Variants in PALS1 observed in about 807,000 individuals in gnomAD.
PALS1 encodes protein PALS1.
In PALS1, 31 loss-of-function variants were observed where a neutral mutation model predicts 78.9. That is an observed-to-expected ratio of 0.39 (90% confidence interval 0.30 to 0.53). The LOEUF (loss-of-function observed/expected upper bound fraction) is 0.53, where lower values mean the gene tolerates loss of function less well. Among genes scored for constraint, PALS1 ranks in the 20% least tolerant of loss-of-function variants. The pLI is 0.67. For missense variants in PALS1, 704 were observed against 826.5 expected (o/e 0.85, Z 1.82); for synonymous variants, 276 against 270.9 (o/e 1.02, Z -0.18).
chr14:67,245,349 A>G (rs2083971667), intron 1 of PALS1, among the ~76,000 whole-genome samples: 1 of 152,108 alleles, frequency 6.6e-6, no homozygotes, highest in South Asian at 2.1e-4. Flanking sequence ...CCATTTTAGT[A>G]GTATCTCGTT....
chr14:67,242,987 T>C (rs930214158), intron 1 of PALS1, among the ~76,000 whole-genome samples: 1 of 152,150 alleles, frequency 6.6e-6, no homozygotes, highest in African/African-American at 2.4e-5. Context: ...TGATTAAAAA[T>C]CTCATCACAG....
intron 4 of PALS1, 63 bp from the exon 5 acceptor site, chr14:67,301,326 C>A: frequency 2.1e-6 from 2 of 937,704 alleles, no homozygotes; most frequent in South Asian, 1.8e-5. Flanking sequence ...TATGACCCTG[C>A]ATACAGGTGC....
chr14:67,259,728 A>C (rs952908243), intron 1 of PALS1, among the ~76,000 whole-genome samples: 2 of 152,040 alleles, frequency 1.3e-5, no homozygotes, highest in Non-Finnish European at 2.9e-5. Context: ...TGGGCAACAT[A>C]GGAAGACTCC....
At chr14:67,279,742 TAA>T in intron 3 of PALS1, 1 of 437,804 alleles carries the variant, frequency 2.3e-6, no homozygotes, top group East Asian at 3.4e-5. Context: ...GCTTAAATGT[TAA>T]GTCACTATAA....
chr14:67,307,854 C>T (rs1051813821), intron 8 of PALS1, among the ~76,000 whole-genome samples: 6 of 151,740 alleles, frequency 4.0e-5, no homozygotes, highest in South Asian at 2.1e-4. Flanking sequence ...ATGATAGATT[C>T]GATAAAGAAA....
chr14:67,283,130 C>G (rs1219599321), intron 3 of PALS1, among the ~76,000 whole-genome samples: 1 of 152,000 alleles, frequency 6.6e-6, no homozygotes, highest in African/African-American at 2.4e-5. Context: ...TAGGGGCTTT[C>G]TAATCTATGA....
At chr14:67,302,207 A>G (rs2084941337) in intron 6 of PALS1, 89 bp downstream of exon 6, 1 of 1,374,700 alleles carries the variant, frequency 7.3e-7, no homozygotes, top group African/African-American at 1.5e-5. Context: ...ATTCTAATGA[A>G]TAGAGTATTT....
At chr14:67,298,439 C>T (rs941819278) in intron 4 of PALS1, among the ~76,000 whole-genome samples, 5 of 151,032 alleles carry the variant, frequency 3.3e-5, no homozygotes, top group East Asian at 3.9e-4. Flanking sequence ...CGCTTGAACC[C>T]GGGAGGCGAA....
intron 3 of PALS1, among the ~76,000 whole-genome samples, chr14:67,281,423 G>A (rs1370010678): frequency 6.6e-6 from 1 of 151,974 alleles, no homozygotes; most frequent in African/African-American, 2.4e-5. Flanking sequence ...AGAATTTTAT[G>A]CTCTTTTTTC....
At position 67,334,459 on chromosome 14, in the gene PALS1, T is replaced by A. The variant is rs1371101719; in HGVS notation, c.*1503T>A. ...CCAGAGCTAAACACTGGAATAATAC[T>A]GACATCATTTAATTTAACATAAGCA... On this transcript the variant is annotated 3_prime_UTR_variant, in exon 15 of 15. Coordinates refer to ENST00000261681, the MANE Select transcript of PALS1 (RefSeq NM_022474.4). 6.5e-6 allele frequency: 1 copy of A among 152,688 alleles called. No homozygotes were observed. Among genetic ancestry groups the A allele is most frequent in the East Asian group, 1.9e-4 (1 of 5,204 alleles). 9.5% of individuals were successfully genotyped at this position (152,688 alleles called of 1,614,324 possible).
intron 14 of PALS1, among the ~76,000 whole-genome samples, chr14:67,326,290 G>GAGTGC (rs1390404870): frequency 1.5e-4 from 17 of 110,068 alleles, no homozygotes; most frequent in Non-Finnish European, 2.3e-4. Context: ...ACCCAGACTA[G>GAGTGC]AGTGCTGTGG....
At chr14:67,242,624 A>G (rs2140387384) in intron 1 of PALS1, among the ~76,000 whole-genome samples, 1 of 151,838 alleles carries the variant, frequency 6.6e-6, no homozygotes, top group Non-Finnish European at 1.5e-5. Flanking sequence ...ATTAAGAACT[A>G]CGATTTTTTT....
chr14:67,333,276 CTG>C lies in PALS1; in HGVS notation c.*323_*324del, dbSNP rs1279300084. ...AAACCCTTTCTGCTTAGTTGTATCT[CTG>C]TGAAAAACTTGTATACACAAGCGTC... On this transcript the variant is annotated 3_prime_UTR_variant, in exon 15 of 15. Coordinates refer to ENST00000261681, the MANE Select transcript of PALS1 (RefSeq NM_022474.4). 5.2e-6 allele frequency: 1 copy of C among 193,156 alleles called. No homozygotes were observed. Among genetic ancestry groups the C allele is most frequent in the African/African-American group, 2.3e-5 (1 of 42,920 alleles). The allele number at this position is 193,156 out of a possible 1,614,324, so 12.0% of individuals were successfully genotyped here.
Position 67,334,166 on chromosome 14 carries a change from T to C in PALS1, c.*1210T>C, listed in dbSNP as rs918399396. The stretch of plus-strand genomic sequence containing the variant: ...TGGAGAGAAAAAGGTATTAAATATA[T>C]AGAAATAGGTTTTTAACCTAACAAG... On this transcript the variant is annotated 3_prime_UTR_variant, in exon 15 of 15. Transcript: ENST00000261681. 3.3e-5 allele frequency: 5 copies of C among 152,758 alleles called. No homozygotes were observed. In the South Asian group the frequency reaches 1.0e-3, roughly 32 times the overall value. The allele number at this position is 152,758 out of a possible 1,614,324, so 9.5% of individuals were successfully genotyped here.
At chr14:67,323,255 G>GTATA (rs1320501305) in intron 13 of PALS1, among the ~76,000 whole-genome samples, 1 of 133,908 alleles carries the variant, frequency 7.5e-6, no homozygotes, top group Non-Finnish European at 1.5e-5. Context: ...GTGTGTGTGT[G>GTATA]TGTGTGTATA....
At chr14:67,316,532 C>A (rs1016385468) in intron 9 of PALS1, among the ~76,000 whole-genome samples, 16 of 152,124 alleles carry the variant, frequency 1.1e-4, no homozygotes, top group African/African-American at 3.6e-4. Flanking sequence ...CAGGATAGTA[C>A]TTTTCCACAA....
At chr14:67,312,794 A>G (rs2085113101) in intron 9 of PALS1, 84 bp downstream of exon 9, 1 of 1,069,962 alleles carries the variant, frequency 9.3e-7, no homozygotes, top group Non-Finnish European at 1.3e-6. Flanking sequence ...TCACTCTTTC[A>G]TGCCTCTATT....
At chr14:67,275,857 A>G (rs978472183) in intron 2 of PALS1, among the ~76,000 whole-genome samples, 8 of 152,098 alleles carry the variant, frequency 5.3e-5, no homozygotes, top group Admixed American at 1.3e-4. Context: ...GGGAGGGTAT[A>G]TGTGTCCAGG....
intron 8 of PALS1, among the ~76,000 whole-genome samples, chr14:67,306,857 C>A (rs1009578048): frequency 2.0e-5 from 3 of 152,100 alleles, no homozygotes; most frequent in African/African-American, 7.2e-5. Context: ...AATTAATAAT[C>A]TAAAGAAATT....
Sources: allele counts gnomAD v4.1 joint callset (sites outside exome capture counted in the v4.1 genomes callset), GRCh38; gene constraint gnomAD v4.1.1; transcripts MANE v1.5; gene names NCBI Gene and HGNC (gene_info 2026-07-23, HGNC 2026-07-21).